The following PIK3C3 variants were observed in gnomAD, a reference collection of about 807,000 sequenced individuals.
PIK3C3 encodes phosphatidylinositol 3-kinase catalytic subunit type 3.
A neutral mutation model predicts 126.1 loss-of-function variants in PIK3C3; 95 were observed. That is an observed-to-expected ratio of 0.75 (90% CI 0.64 to 0.89). PIK3C3 has a LOEUF of 0.89. Among genes scored for constraint, PIK3C3 ranks in the 40% least tolerant of loss-of-function variants. The probability of loss-of-function intolerance (pLI) is 0.00; values close to 1 mark genes in which losing one functional copy is unlikely to be tolerated. For synonymous variants in PIK3C3, 374 were observed against 360.0 expected, an observed-to-expected ratio of 1.04 and a Z score of -0.44; for missense variants, 829 against 1,063.2, an observed-to-expected ratio of 0.78 and a Z score of 3.06.
intron 22 of PIK3C3, among the ~76,000 whole-genome samples, chr18:42,059,591 C>T (rs1035294510): frequency 3.9e-5 from 6 of 151,982 alleles, no homozygotes; most frequent in African/African-American, 1.5e-4. Flanking sequence ...AGTAGCAATT[C>T]AATAGAATAA....
chr18:41,996,142 A>C (rs965268846), intron 8 of PIK3C3, 148 bp downstream of exon 8: 39 of 645,198 alleles, frequency 6.0e-5, no homozygotes, highest in Non-Finnish European at 1.0e-4. Context: ...TTCACAGATC[A>C]GCAGTTCTGT....
intron 4 of PIK3C3, among the ~76,000 whole-genome samples, chr18:41,980,308 AC>A (rs1424141607): frequency 1.3e-5 from 2 of 152,184 alleles, no homozygotes; most frequent in South Asian, 2.1e-4. Flanking sequence ...TAGCTGAATC[AC>A]TTAATGATTT....
intron 14 of PIK3C3, 83 bp downstream of exon 14, chr18:42,027,631 C>T (rs1983630958): frequency 3.1e-6 from 2 of 638,276 alleles, no homozygotes; most frequent in African/African-American, 1.9e-5. Flanking sequence ...ATCCCATGAG[C>T]TAAAAATGGT....
In PIK3C3 at chr18:42,081,751, T is replaced by A. The variant is rs1986258869; in HGVS notation, c.*614T>A. The A allele has an allele frequency of 6.6e-6, 1 of 152,222 alleles. No individual in the cohort carries two copies. The highest frequency in any genetic ancestry group is 6.5e-5 in the Admixed American group (1 of 15,284). 9.4% of individuals were successfully genotyped at this position (152,222 alleles called of 1,614,324 possible). On this transcript the variant is annotated 3_prime_UTR_variant, in exon 25 of 25. Coordinates refer to ENST00000262039, the MANE Select transcript of PIK3C3 (RefSeq NM_002647.4). ...CATTTTCTCTTACAAATAATTAATT[T>A]TTTGTAAACTACAGTTAATAGTTCT...
At chr18:41,992,778 A>G (rs1981840487) in intron 6 of PIK3C3, among the ~76,000 whole-genome samples, 1 of 152,126 alleles carries the variant, frequency 6.6e-6, no homozygotes, top group Non-Finnish European at 1.5e-5. Context: ...TGTAAATTTG[A>G]GTAATATTAA....
intron 20 of PIK3C3, among the ~76,000 whole-genome samples, chr18:42,047,301 T>G (rs1264270239): frequency 6.6e-6 from 1 of 152,172 alleles, no homozygotes; most frequent in Non-Finnish European, 1.5e-5. Flanking sequence ...ATATGCACAT[T>G]ATCGGTAGTT....
intron 19 of PIK3C3, 149 bp downstream of exon 19, chr18:42,040,890 T>C (rs1297082343): frequency 1.5e-5 from 9 of 601,736 alleles, no homozygotes; most frequent in Non-Finnish European, 2.3e-5. Context: ...GAAGTAAGCA[T>C]GTTCGCAGTT....
chr18:42,076,203 TATATGCAC>T (rs1986024594), intron 24 of PIK3C3, among the ~76,000 whole-genome samples: 1 of 144,398 alleles, frequency 6.9e-6, no homozygotes, highest in African/African-American at 2.6e-5. Flanking sequence ...CACACATATA[TATATGCAC>T]ATATATATAT....
intron 10 of PIK3C3, among the ~76,000 whole-genome samples, chr18:42,013,181 G>A (rs535683326): frequency 8.1e-5 from 12 of 147,344 alleles, no homozygotes; most frequent in South Asian, 2.1e-4. Context: ...AGTCTGTGCC[G>A]GACACTATAC....
intron 15 of PIK3C3, among the ~76,000 whole-genome samples, chr18:42,030,295 G>T (rs959947376): frequency 1.3e-5 from 2 of 152,140 alleles, no homozygotes; most frequent in African/African-American, 4.8e-5. Flanking sequence ...CAACTATGAG[G>T]TTTCCACTTG....
intron 15 of PIK3C3, 64 bp from the exon 16 acceptor site, chr18:42,033,762 T>C: frequency 1.6e-6 from 2 of 1,239,620 alleles, no homozygotes; most frequent in Non-Finnish European, 2.2e-6. Flanking sequence ...TTTATGTCTT[T>C]ACTATATGTT....
intron 4 of PIK3C3, among the ~76,000 whole-genome samples, chr18:41,978,862 AC>A (rs1008203649): frequency 1.3e-5 from 2 of 151,746 alleles, no homozygotes; most frequent in African/African-American, 4.8e-5. Context: ...ATTGAAACTT[AC>A]CCCCCAGAAA....
At chr18:41,997,897 C>G (rs1042569838) in intron 9 of PIK3C3, among the ~76,000 whole-genome samples, 3 of 152,086 alleles carry the variant, frequency 2.0e-5, no homozygotes, top group Non-Finnish European at 4.4e-5. Flanking sequence ...CATGCCTTAG[C>G]AGACACCCTG....
chr18:42,050,943 C>T (rs1358406000), intron 21 of PIK3C3: 4 of 152,144 alleles, frequency 2.6e-5, no homozygotes, highest in African/African-American at 9.7e-5. Context: ...TTAGAGAAGC[C>T]CTTTCTAACT....
chr18:42,071,543 A>AACCC (rs1462953546), intron 24 of PIK3C3, among the ~76,000 whole-genome samples: 1 of 152,042 alleles, frequency 6.6e-6, no homozygotes, highest in African/African-American at 2.4e-5. Flanking sequence ...AACATGGTGA[A>AACCC]ACCCTGTCTC....
intron 10 of PIK3C3, among the ~76,000 whole-genome samples, chr18:42,012,692 A>T (rs1982885095): frequency 6.6e-6 from 1 of 152,202 alleles, no homozygotes; most frequent in Non-Finnish European, 1.5e-5. Context: ...TTATTAAGGG[A>T]AAACTCAGTA....
chr18:42,034,929 A>T (rs1983982821), intron 16 of PIK3C3, among the ~76,000 whole-genome samples: 1 of 152,238 alleles, frequency 6.6e-6, no homozygotes, highest in Non-Finnish European at 1.5e-5. Context: ...CATGGGTTGC[A>T]GCCCAGCTCA....
chr18:42,068,352 T>C (rs1331773318), intron 24 of PIK3C3, among the ~76,000 whole-genome samples: 4 of 152,220 alleles, frequency 2.6e-5, no homozygotes, highest in African/African-American at 9.7e-5. Context: ...TTTCAAGCTG[T>C]TGTGTAATAC....
At chr18:42,000,126 T>C (rs1982215204) in intron 9 of PIK3C3, among the ~76,000 whole-genome samples, 1 of 152,202 alleles carries the variant, frequency 6.6e-6, no homozygotes, top group Middle Eastern at 3.2e-3. Flanking sequence ...TGATCTCGGC[T>C]CACTGCAACC....
Sources: allele counts gnomAD v4.1 joint callset (sites outside exome capture counted in the v4.1 genomes callset), GRCh38; gene constraint gnomAD v4.1.1; transcripts MANE v1.5; gene names NCBI Gene and HGNC (gene_info 2026-07-23, HGNC 2026-07-21).